Variants in PPP3CA observed in about 807,000 individuals in gnomAD.
PPP3CA encodes protein phosphatase 3 catalytic subunit alpha, also known as CAM-PRP catalytic subunit.
Under a neutral mutation model 66.5 loss-of-function variants are expected in PPP3CA, and 14 were observed. The observed-to-expected ratio is 0.21, with a 90% CI of 0.14 to 0.33. The LOEUF (loss-of-function observed/expected upper bound fraction) is 0.33, where lower values mean the gene tolerates loss of function less well. PPP3CA is among the 10% of genes least tolerant of loss of function. The probability of loss-of-function intolerance (pLI) is 1.00; values close to 1 mark genes in which losing one functional copy is unlikely to be tolerated. For missense variants in PPP3CA, 317 were observed against 639.5 expected (o/e 0.50, Z 5.44); for synonymous variants, 232 against 226.2 (o/e 1.03, Z -0.23).
chr4:101,283,615 T>C (rs1727751404), intron 1 of PPP3CA, among the ~76,000 whole-genome samples: 1 of 152,220 alleles, frequency 6.6e-6, no homozygotes, highest in African/African-American at 2.4e-5. Context: ...GCTGCCTGGC[T>C]CCACTTCCTC....
intron 10 of PPP3CA, among the ~76,000 whole-genome samples, chr4:101,044,003 CTAAA>C (rs1727652231): frequency 6.6e-6 from 1 of 152,152 alleles, no homozygotes; most frequent in African/African-American, 2.4e-5. Context: ...AAACTATTCT[CTAAA>C]TGTTTTATCC....
rs529061651 is a variant in PPP3CA at position 101,030,945 on chromosome 4, A to G, written c.1339+1322T>C. Among the ~76,000 whole-genome samples the G allele has an allele frequency of 3.4e-5, 4 of 118,362 alleles. No homozygotes were observed. The South Asian group carries it at 1.1e-3, about 33-fold the overall frequency. 77.7% of individuals were successfully genotyped at this position (118,362 alleles called of 152,430 possible). On this transcript the variant is annotated intron_variant, in intron 12 of 13. Coordinates refer to ENST00000394854, the MANE Select transcript of PPP3CA (RefSeq NM_000944.5). ...TTTAGTAAGATATTTAATTTGGTAG[A>G]AAAACTTTTGTGTGTGTTTTTTTTT...
At chr4:101,175,732 G>T (rs932573855) in intron 2 of PPP3CA, among the ~76,000 whole-genome samples, 5 of 152,098 alleles carry the variant, frequency 3.3e-5, no homozygotes, top group Admixed American at 3.3e-4. Context: ...AGTGCTCTTT[G>T]GTGTATGAAA....
intron 3 of PPP3CA, among the ~76,000 whole-genome samples, chr4:101,101,419 T>G (rs2110256160): frequency 6.6e-6 from 1 of 152,332 alleles, no homozygotes; most frequent in Non-Finnish European, 1.5e-5. Flanking sequence ...CTGTCCCCAA[T>G]TTAAAATGTC....
At chr4:101,029,508 C>T (rs1342177982) in intron 12 of PPP3CA, among the ~76,000 whole-genome samples, 1 of 151,874 alleles carries the variant, frequency 6.6e-6, no homozygotes, top group Non-Finnish European at 1.5e-5. Context: ...ATTTCTTTTA[C>T]ATGGACTGAA....
chr4:101,115,397 C>A (rs1721808834), intron 2 of PPP3CA, among the ~76,000 whole-genome samples: 1 of 151,866 alleles, frequency 6.6e-6, no homozygotes, highest in African/African-American at 2.4e-5. Context: ...GCTGGTAGCT[C>A]TTTAATGAGA....
chr4:101,180,083 T>G (rs1441451975), intron 2 of PPP3CA, among the ~76,000 whole-genome samples: 1 of 152,098 alleles, frequency 6.6e-6, no homozygotes, highest in Non-Finnish European at 1.5e-5. Context: ...TTGGCCAACA[T>G]TAAGAACATG....
intron 8 of PPP3CA, among the ~76,000 whole-genome samples, chr4:101,077,540 T>C (rs889880397): frequency 6.6e-6 from 1 of 152,210 alleles, no homozygotes; most frequent in Non-Finnish European, 1.5e-5. Context: ...CAGTGAATAA[T>C]TGACTCCCAC....
intron 1 of PPP3CA, among the ~76,000 whole-genome samples, chr4:101,315,361 A>G (rs1434235736): frequency 6.6e-6 from 1 of 152,228 alleles, no homozygotes; most frequent in South Asian, 2.1e-4. Context: ...ACTAAGACAC[A>G]GTACAACCCC....
intron 1 of PPP3CA, among the ~76,000 whole-genome samples, chr4:101,273,430 T>G (rs2850342): frequency 0.92 from 139,518 of 152,202 alleles, 64,135 homozygotes; most frequent in African/African-American, 0.97. Flanking sequence ...GGGTTCAAGC[T>G]ATTCTCCTGC....
intron 2 of PPP3CA, among the ~76,000 whole-genome samples, chr4:101,127,533 C>G (rs1275109936): frequency 3.3e-5 from 5 of 152,098 alleles, no homozygotes; most frequent in Non-Finnish European, 7.3e-5. Context: ...CTACCAGAAG[C>G]TGGAAGAGGC....
At chr4:101,109,738 A>G (rs918067021) in intron 2 of PPP3CA, among the ~76,000 whole-genome samples, 8 of 152,006 alleles carry the variant, frequency 5.3e-5, no homozygotes, top group Non-Finnish European at 1.2e-4. Context: ...AAAAACTACA[A>G]TTATTAAAAG....
chr4:101,257,254 A>C (rs1289757542), intron 1 of PPP3CA, among the ~76,000 whole-genome samples: 2 of 151,962 alleles, frequency 1.3e-5, no homozygotes, highest in African/African-American at 4.8e-5. Flanking sequence ...AAAAGGAAAA[A>C]TATTAAAGAA....
chr4:101,343,416 T>C (rs961333735), intron 1 of PPP3CA, among the ~76,000 whole-genome samples: 2 of 151,918 alleles, frequency 1.3e-5, no homozygotes, highest in Non-Finnish European at 2.9e-5. Flanking sequence ...GCCTGTAGAG[T>C]ATCACTAAGA....
At chr4:101,333,017 CAA>C (rs1729438829) in intron 1 of PPP3CA, among the ~76,000 whole-genome samples, 1 of 151,758 alleles carries the variant, frequency 6.6e-6, no homozygotes, top group Non-Finnish European at 1.5e-5. Context: ...CTTCCACCTT[CAA>C]AAGTCTATGA....
At chr4:101,085,314 T>C (rs1729616564) in intron 6 of PPP3CA, among the ~76,000 whole-genome samples, 1 of 152,316 alleles carries the variant, frequency 6.6e-6, no homozygotes, top group Middle Eastern at 3.4e-3. Flanking sequence ...TTTTTGCCCT[T>C]GGTAAACGAC....
rs1480096108 is a variant in PPP3CA, at chr4:101,320,474, A to ATGTATG, written c.58+26264_58+26265insCATACA. On this transcript the variant is annotated intron_variant, in intron 1 of 13. Coordinates refer to ENST00000394854, the MANE Select transcript of PPP3CA (RefSeq NM_000944.5). ...CTCATATGTATGTATGTATGTATGTATGTGTGTGTGTGTGTGTATACACAC... is the reference window on the plus strand; with the variant it reads ...CTCATATGTATGTATGTATGTATGTATGTATGTGTGTGTGTGTGTGTGTATACACAC... Among the ~76,000 whole-genome samples the ATGTATG allele has an allele frequency of 1.8e-3, 234 of 129,870 alleles. 2 individuals are homozygous for ATGTATG. Among genetic ancestry groups the ATGTATG allele is most frequent in the African/African-American group, 7.3e-3 (222 of 30,602 alleles). 85.2% of individuals were successfully genotyped at this position (129,870 alleles called of 152,430 possible).
chr4:101,050,604 A>C (rs1336769136), intron 10 of PPP3CA, among the ~76,000 whole-genome samples: 3 of 152,188 alleles, frequency 2.0e-5, no homozygotes, highest in African/African-American at 7.2e-5. Context: ...ACAGAGAATA[A>C]TTCTAAGGAA....
intron 1 of PPP3CA, among the ~76,000 whole-genome samples, chr4:101,292,589 C>G (rs1258814817): frequency 6.6e-6 from 1 of 152,140 alleles, no homozygotes; most frequent in Non-Finnish European, 1.5e-5. Flanking sequence ...TATACAGAAG[C>G]CTCTATGCTT....
Sources: allele counts gnomAD v4.1 joint callset (sites outside exome capture counted in the v4.1 genomes callset), GRCh38; gene constraint gnomAD v4.1.1; transcripts MANE v1.5; gene names NCBI Gene and HGNC (gene_info 2026-07-23, HGNC 2026-07-21).